The following PTPRD variants were observed in gnomAD, a reference collection of about 807,000 sequenced individuals.
PTPRD encodes receptor-type tyrosine-protein phosphatase delta.
PTPRD carries 34 observed loss-of-function variants against 214.5 expected under a neutral mutation model. That is an observed-to-expected ratio of 0.16 (90% CI 0.12 to 0.21). The LOEUF is 0.21. PTPRD is among the 10% of genes least tolerant of loss of function. The pLI is 1.00. For missense variants in PTPRD, 2,545 were observed against 2,398.7 expected, an observed-to-expected ratio of 1.06 and a Z score of -1.27; for synonymous variants, 1,128 against 845.7, an observed-to-expected ratio of 1.33 and a Z score of -5.79.
At chr9:8,572,016 T>C (rs976782203) in intron 14 of PTPRD, among the ~76,000 whole-genome samples, 28 of 152,172 alleles carry the variant, frequency 1.8e-4, no homozygotes, top group African/African-American at 4.8e-4. Context: ...AGTGATGATA[T>C]AGATATTAAA....
At chr9:9,471,168 T>C (rs543018854) in intron 8 of PTPRD, among the ~76,000 whole-genome samples, 1 of 152,340 alleles carries the variant, frequency 6.6e-6, no homozygotes, top group Non-Finnish European at 1.5e-5. Flanking sequence ...TGTATCATTT[T>C]CCCAGACATA....
At chr9:10,297,243 T>G (rs943497791) in intron 3 of PTPRD, among the ~76,000 whole-genome samples, 4 of 151,644 alleles carry the variant, frequency 2.6e-5, no homozygotes, top group Non-Finnish European at 5.9e-5. Flanking sequence ...AAACTGAATT[T>G]TATTTTTAAT....
At chr9:10,169,271 G>A (rs1319158176) in intron 3 of PTPRD, among the ~76,000 whole-genome samples, 1 of 151,448 alleles carries the variant, frequency 6.6e-6, no homozygotes, top group African/African-American at 2.4e-5. Flanking sequence ...TCAGGAGATC[G>A]AGACCATCCT....
chr9:10,398,078 A>T (rs1018320704), intron 2 of PTPRD, among the ~76,000 whole-genome samples: 1 of 151,354 alleles, frequency 6.6e-6, no homozygotes, highest in Non-Finnish European at 1.5e-5. Flanking sequence ...TTAGCAATTT[A>T]TATAATATGT....
chr9:9,148,455 T>C (rs549630735), intron 10 of PTPRD, among the ~76,000 whole-genome samples: 9 of 152,274 alleles, frequency 5.9e-5, no homozygotes, highest in Non-Finnish European at 1.0e-4. Flanking sequence ...AAAATACAGC[T>C]TCTTTTTGTA....
intron 4 of PTPRD, among the ~76,000 whole-genome samples, chr9:9,987,884 G>A (rs749830524): frequency 6.6e-6 from 1 of 151,988 alleles, no homozygotes; most frequent in South Asian, 2.1e-4. Flanking sequence ...TTACATTTTT[G>A]CAGAAGGAAT....
chr9:9,380,391 G>T (rs1490016015), intron 9 of PTPRD, among the ~76,000 whole-genome samples: 1 of 151,716 alleles, frequency 6.6e-6, no homozygotes, highest in East Asian at 1.9e-4. Context: ...AATTTTTGTG[G>T]GTACACAGTA....
intron 14 of PTPRD, among the ~76,000 whole-genome samples, chr9:8,541,261 G>T (rs1235152848): frequency 6.6e-6 from 1 of 152,118 alleles, no homozygotes; most frequent in Non-Finnish European, 1.5e-5. Flanking sequence ...ATAGGGTCTT[G>T]CTCTGTCACC....
intron 3 of PTPRD, among the ~76,000 whole-genome samples, chr9:10,179,964 T>C (rs1407356): frequency 0.18 from 27,877 of 151,990 alleles, 2,694 homozygotes; most frequent in South Asian, 0.27. Flanking sequence ...AGGGAAAATA[T>C]GTCATAAATA....
chr9:9,289,128 G>C (rs969113437), intron 9 of PTPRD, among the ~76,000 whole-genome samples: 10 of 151,758 alleles, frequency 6.6e-5, no homozygotes, highest in African/African-American at 2.4e-4. Context: ...CTAGCAAATA[G>C]TTACCCTCTA....
chr9:10,088,308 G>A (rs1283471809), intron 3 of PTPRD, among the ~76,000 whole-genome samples: 1 of 151,680 alleles, frequency 6.6e-6, no homozygotes, highest in Non-Finnish European at 1.5e-5. Flanking sequence ...AATGTAATTG[G>A]AATTTCCAGC....
At chr9:10,085,246 G>GA (rs2098314348) in intron 3 of PTPRD, among the ~76,000 whole-genome samples, 1 of 151,898 alleles carries the variant, frequency 6.6e-6, no homozygotes, top group East Asian at 1.9e-4. Context: ...CTTCTCAACT[G>GA]ACGTGGCGAG....
Position 8,460,516 on chromosome 9 carries a change from G to A in PTPRD, c.3770C>T (p.Pro1257Leu), listed in dbSNP as rs748838568. The change falls in exon 33 of 46, where the codon CCG becomes CTG. Residue 1257 changes from proline to leucine, a missense_variant. Pro to Leu is a moderately conservative substitution (Grantham distance 98). Transcript: ENST00000381196. ...SDPVVSMDLD[P>L]QPITDEEEGL... ...TTCTTCTTCATCCGTGATTGGCTGC[G>A]GATCCAGATCCATTGACACCACGGG... The A allele has an allele frequency of 2.1e-5, 34 of 1,613,386 alleles. 1 individual carries two copies. Among genetic ancestry groups the A allele is most frequent in the East Asian group, 2.0e-4 (9 of 44,868 alleles).
Position 9,906,915 on chromosome 9 carries a change from C to T in PTPRD, c.-368+31592G>A, listed in dbSNP as rs1042470982. Among the ~76,000 whole-genome samples the T allele has an allele frequency of 3.9e-5, 6 of 151,960 alleles. No homozygotes were observed. In the East Asian group the frequency reaches 5.8e-4, roughly 15 times the overall value. On this transcript the variant is annotated intron_variant, in intron 5 of 45. Transcript: ENST00000381196. ...GCTCATAGAACTTATTCTTAATTCA[C>T]TGCGTTTGTGGCCTCCAAGATTTCA...
At chr9:8,386,449 G>C (rs924213421) in intron 37 of PTPRD, among the ~76,000 whole-genome samples, 1 of 152,290 alleles carries the variant, frequency 6.6e-6, no homozygotes, top group African/African-American at 2.4e-5. Context: ...TGTACCATAG[G>C]AATGAATATT....
At chr9:8,842,285 C>A (rs908779653) in intron 11 of PTPRD, among the ~76,000 whole-genome samples, 2 of 151,980 alleles carry the variant, frequency 1.3e-5, no homozygotes, top group African/African-American at 4.8e-5. Context: ...GGAGAAAGGG[C>A]GACTATGTTT....
intron 2 of PTPRD, among the ~76,000 whole-genome samples, chr9:10,510,552 T>C (rs1589752954): frequency 6.6e-6 from 1 of 152,144 alleles, no homozygotes; most frequent in African/African-American, 2.4e-5. Flanking sequence ...TTTGCTTTGC[T>C]TTTTGTGTAT....
At chr9:9,394,538 G>C (rs983983911) in intron 9 of PTPRD, among the ~76,000 whole-genome samples, 2 of 151,934 alleles carry the variant, frequency 1.3e-5, no homozygotes, top group African/African-American at 4.8e-5. Context: ...TAATATTTTT[G>C]TGCCCCAGTT....
At chr9:9,390,049 G>A (rs916425020) in intron 9 of PTPRD, among the ~76,000 whole-genome samples, 13 of 152,194 alleles carry the variant, frequency 8.5e-5, no homozygotes, top group African/African-American at 3.1e-4. Context: ...CATTTCAGCA[G>A]AGACTTCAAG....
Sources: allele counts gnomAD v4.1 joint callset (sites outside exome capture counted in the v4.1 genomes callset), GRCh38; gene constraint gnomAD v4.1.1; transcripts MANE v1.5; gene names NCBI Gene and HGNC (gene_info 2026-07-23, HGNC 2026-07-21).